The following NUP98 variants were observed in gnomAD, a reference collection of about 807,000 sequenced individuals.
NUP98 encodes nucleoporin 98 and 96 precursor.
NUP98 carries 26 observed loss-of-function variants against 191.9 expected under a neutral mutation model. The ratio of observed to expected loss-of-function variants is 0.14; its 90% CI spans 0.10 to 0.19. The LOEUF is 0.19. NUP98 is among the 10% of genes least tolerant of loss of function. The probability of loss-of-function intolerance (pLI) is 1.00; values close to 1 mark genes in which losing one functional copy is unlikely to be tolerated. For missense variants in NUP98, 1,941 were observed against 2,178.8 expected (o/e 0.89, Z 2.17); for synonymous variants, 808 against 778.4 (o/e 1.04, Z -0.63).
At chr11:3,724,780 C>CAAAAAGAAAAAAAAAAAAAAAAA (rs2079549485) in intron 15 of NUP98, among the ~76,000 whole-genome samples, 1 of 80,166 alleles carries the variant, frequency 1.2e-5, no homozygotes, top group African/African-American at 5.7e-5. Flanking sequence ...GACTCTGTCT[C>CAAAAAGAAAAAAAAAAAAAAAAA]AAAAAAAAAA....
chr11:3,703,383 C>T (rs1347553164), intron 22 of NUP98, among the ~76,000 whole-genome samples: 1 of 151,810 alleles, frequency 6.6e-6, no homozygotes, highest in Non-Finnish European at 1.5e-5. Context: ...GCCTGGCTAA[C>T]TTTTCTGTAT....
rs962909710 is a variant in NUP98, at chr11:3,729,861, C to A, written c.1730+1530G>T. 2.0e-5 allele frequency among the ~76,000 whole-genome samples: 3 copies of A among 152,066 alleles called. No individual in the cohort carries two copies. The Middle Eastern group carries it at 0.01, about 517-fold the overall frequency. The stretch of plus-strand genomic sequence containing the variant: ...ACTTGTATATTTGAAAATCCTAAGC[C>A]CTGGTGAAGCTGATCTCGAGCTACT... On this transcript the variant is annotated intron_variant, in intron 14 of 32. Transcript: ENST00000324932.
At chr11:3,774,499 TGGATCACTTGAGGTCA>T (rs2081642009) in intron 5 of NUP98, among the ~76,000 whole-genome samples, 1 of 151,440 alleles carries the variant, frequency 6.6e-6, no homozygotes, top group Admixed American at 6.6e-5. Context: ...CCGAGGCGGG[TGGATCACTTGAGGTCA>T]GGAGTTGAAG....
chr11:3,791,786 G>C (rs1469862276), intron 1 of NUP98, among the ~76,000 whole-genome samples: 1 of 150,308 alleles, frequency 6.7e-6, no homozygotes, highest in East Asian at 1.9e-4. Flanking sequence ...AGGTTACAGT[G>C]AGCCGAGATC....
intron 12 of NUP98, among the ~76,000 whole-genome samples, 160 bp downstream of exon 12, chr11:3,744,349 G>A (rs904151422): frequency 5.9e-5 from 9 of 152,170 alleles, no homozygotes; most frequent in African/African-American, 1.9e-4. Context: ...AGCAGAGTAG[G>A]CCAGGATCTA....
In NUP98 at chr11:3,784,596, C is replaced by CA. The variant is rs60126486; in HGVS notation, c.-28-2452dup. On this transcript the variant is annotated intron_variant, in intron 1 of 32. Transcript: ENST00000324932. ...GTCTCTATTAAAAACAAAAAAAAAA[C>CA]AAAAAAAAACAAAAAACATGGTGCA... Among the ~76,000 whole-genome samples, 29 of 142,000 alleles carry CA rather than the reference C, an allele frequency of 2.0e-4. 1 individual carries two copies. The highest frequency in any genetic ancestry group is 4.0e-4 in the East Asian group (2 of 4,950). The allele number at this position is 142,000 out of a possible 152,430, so 93.2% of individuals were successfully genotyped here. A position where few individuals can be genotyped will look rare whatever the true frequency, so the allele number is the denominator to read the frequency against.
intron 29 of NUP98, among the ~76,000 whole-genome samples, chr11:3,685,272 C>T (rs1368981279): frequency 3.3e-5 from 5 of 152,160 alleles, no homozygotes; most frequent in Admixed American, 2.0e-4. Flanking sequence ...TCTTTAAGGA[C>T]AGAGAATCAA....
chr11:3,694,178 C>A (rs1329555804), intron 26 of NUP98, among the ~76,000 whole-genome samples: 1 of 151,592 alleles, frequency 6.6e-6, no homozygotes, highest in Non-Finnish European at 1.5e-5. Context: ...TTGGGACTGG[C>A]CTGGCCAACA....
chr11:3,764,643 A>C (rs1444989430), intron 8 of NUP98, among the ~76,000 whole-genome samples: 1 of 152,178 alleles, frequency 6.6e-6, no homozygotes, highest in Non-Finnish European at 1.5e-5. Flanking sequence ...CAGTAGCACA[A>C]TCTCGGCTCA....
At position 3,753,308 on chromosome 11, in the gene NUP98, T is replaced by A; in HGVS notation, c.1267+8A>T. On this transcript the variant is annotated splice_region_variant and intron_variant, in intron 11 of 32. Transcript: ENST00000324932. ...CACTTCCTAGATCTCATGGTAGCAG[T>A]TTCTTACCTGTTCCAAATCCTGCAC... is the stretch of plus-strand genomic sequence containing the variant. 6.2e-7 allele frequency: 1 copy of A among 1,610,946 alleles called. No homozygotes were observed. Among genetic ancestry groups the A allele is most frequent in the East Asian group, 2.2e-5 (1 of 44,842 alleles).
At position 3,706,478 on chromosome 11, in the gene NUP98, T is replaced by A; in HGVS notation, c.2892A>T (p.Ala964=). 2 of 1,614,126 alleles carry A rather than the reference T, an allele frequency of 1.2e-6. No individual in the cohort carries two copies. Among genetic ancestry groups the A allele is most frequent in the Non-Finnish European group, 1.7e-6 (2 of 1,179,994 alleles). The change falls in exon 21 of 33, where the codon GCA becomes GCT. Residue 964 remains alanine, a synonymous_variant. Transcript: ENST00000324932. ...QEPVSASTHI[A]SSLGINPHVL... ...CATGTGGATTAATTCCCAGTGAAGA[T>A]GCAATATGTGTTGAGGCAGACACAG...
chr11:3,691,609 A>G, intron 27 of NUP98, 120 bp from the exon 28 acceptor site: 2 of 949,210 alleles, frequency 2.1e-6, no homozygotes, highest in Non-Finnish European at 3.1e-6. Context: ...GCTGGAGTGC[A>G]GTGGGACAAT....
chr11:3,734,284 C>T (rs1162367399), intron 13 of NUP98, among the ~76,000 whole-genome samples: 2 of 152,160 alleles, frequency 1.3e-5, no homozygotes, highest in Admixed American at 6.5e-5. Context: ...CCACCCGCCT[C>T]GGACTCCCAG....
At chr11:3,715,474 C>G (rs1349918625) in intron 18 of NUP98, among the ~76,000 whole-genome samples, 1 of 151,828 alleles carries the variant, frequency 6.6e-6, no homozygotes, top group Non-Finnish European at 1.5e-5. Context: ...GGTATGGTAT[C>G]TCATTGTAGT....
intron 14 of NUP98, among the ~76,000 whole-genome samples, chr11:3,729,407 C>T (rs1383447759): frequency 1.3e-5 from 2 of 151,644 alleles, no homozygotes; most frequent in African/African-American, 2.4e-5. Flanking sequence ...GCGTAAAATG[C>T]TTCTGTTACA....
intron 8 of NUP98, among the ~76,000 whole-genome samples, chr11:3,764,599 T>C (rs1184985230): frequency 6.6e-6 from 1 of 152,172 alleles, no homozygotes; most frequent in Non-Finnish European, 1.5e-5. Flanking sequence ...TTGTTGTTTT[T>C]GTTGAGTCTC....
intron 12 of NUP98, among the ~76,000 whole-genome samples, chr11:3,736,346 T>C (rs1324923848): frequency 1.3e-5 from 2 of 152,210 alleles, no homozygotes; most frequent in Non-Finnish European, 2.9e-5. Flanking sequence ...GGAAACAACC[T>C]ACGTGTCCAA....
At chr11:3,686,391 G>A (rs2078133841) in intron 28 of NUP98, among the ~76,000 whole-genome samples, 197 bp from the exon 29 acceptor site, 1 of 152,164 alleles carries the variant, frequency 6.6e-6, no homozygotes, top group African/African-American at 2.4e-5. Context: ...AAGAAACAAG[G>A]CACCTTCTCT....
At chr11:3,790,849 T>A (rs4910797) in intron 1 of NUP98, among the ~76,000 whole-genome samples, 8,099 of 152,192 alleles carry the variant, frequency 0.053, 259 homozygotes, top group Middle Eastern at 0.099. Flanking sequence ...CACCTGTAAT[T>A]ACTTTTGAAA....
Sources: gnomAD v4.1 joint callset for allele counts (sites outside exome capture counted in the v4.1 genomes callset) on GRCh38, gnomAD v4.1.1 for gene constraint, MANE v1.5 for transcripts, NCBI Gene and HGNC (gene_info 2026-07-23, HGNC 2026-07-21) for gene names.